The following SULF1 variants were observed in gnomAD, a reference collection of about 807,000 sequenced individuals.
SULF1 encodes sulfatase 1, also known as extracellular sulfatase Sulf-1.
Under a neutral mutation model 110.5 loss-of-function variants are expected in SULF1, and 46 were observed. That is an observed-to-expected ratio of 0.42 (90% CI 0.33 to 0.53). The LOEUF (loss-of-function observed/expected upper bound fraction) is 0.53. SULF1 is among the 20% of genes least tolerant of loss of function. The probability of loss-of-function intolerance (pLI) is 0.12; values close to 1 mark genes in which losing one functional copy is unlikely to be tolerated. For synonymous variants in SULF1, 371 were observed against 387.1 expected (o/e 0.96, Z 0.49); for missense variants, 941 against 1,094.2 (o/e 0.86, Z 1.98).
intron 6 of SULF1, among the ~76,000 whole-genome samples, chr8:69,578,837 G>A (rs1805834348): frequency 6.6e-6 from 1 of 152,088 alleles, no homozygotes; most frequent in Non-Finnish European, 1.5e-5. Context: ...ATTCTTTAAG[G>A]GAAATAAAGA....
intron 1 of SULF1, among the ~76,000 whole-genome samples, chr8:69,485,765 C>A (rs1468151040): frequency 2.0e-5 from 3 of 152,208 alleles, no homozygotes; most frequent in African/African-American, 7.2e-5. Flanking sequence ...TACAGTTTCA[C>A]ATTTGTAATC....
chr8:69,626,398 A>T (rs1586581965), intron 15 of SULF1, among the ~76,000 whole-genome samples: 1 of 152,222 alleles, frequency 6.6e-6, no homozygotes, highest in Non-Finnish European at 1.5e-5. Context: ...TCCCCACCAG[A>T]CTCAGGAGCC....
intron 3 of SULF1, among the ~76,000 whole-genome samples, chr8:69,538,421 A>G (rs2150662796): frequency 6.6e-6 from 1 of 152,154 alleles, no homozygotes. Context: ...TGAGATTTCT[A>G]GGTTAAGTGC....
chr8:69,468,394 A>G (rs1402379078), intron 1 of SULF1, among the ~76,000 whole-genome samples: 1 of 152,236 alleles, frequency 6.6e-6, no homozygotes, highest in African/African-American at 2.4e-5. Flanking sequence ...CCATGCAGAT[A>G]ATTTTTTTAA....
rs769480668 is a variant in SULF1, at chr8:69,604,811, T to G, written c.1256T>G (p.Leu419Arg). 2.4e-5 allele frequency: 38 copies of G among 1,613,828 alleles called. No individual in the cohort carries two copies. In the Admixed American group the frequency reaches 6.2e-4, roughly 26 times the overall value. ...DTFLVERGKF[L>R]RKKEESSKNI... ...TTCCCTTTTTGTCGAAGCAAATTTC[T>G]ACGTAAGAAGGAAGAATCCAGCAAG... The change falls in exon 13 of 23, where the codon CTA becomes CGA. Residue 419 changes from leucine (L) to arginine (R), a missense_variant. Around this residue, in one of 3 missense-constraint regions of SULF1, gnomAD observed 822 missense variants for 934.3 expected, o/e 0.88. Coordinates refer to ENST00000402687, the MANE Select transcript of SULF1 (RefSeq NM_001128205.2).
intron 8 of SULF1, among the ~76,000 whole-genome samples, chr8:69,593,534 G>A (rs1807060699): frequency 6.6e-6 from 1 of 152,176 alleles, no homozygotes; most frequent in East Asian, 1.9e-4. Context: ...AGACTGGGGT[G>A]AATGTATCAT....
chr8:69,528,937 A>G (rs1317117181), intron 3 of SULF1, among the ~76,000 whole-genome samples: 1 of 152,226 alleles, frequency 6.6e-6, no homozygotes, highest in Admixed American at 6.5e-5. Context: ...GAACTATAGC[A>G]GAGTTAAAAT....
In SULF1 at chr8:69,607,239, G is replaced by A. The variant is rs553276186; in HGVS notation, c.1377+2307G>A. On this transcript the variant is annotated intron_variant, in intron 13 of 22. Transcript: ENST00000402687. ...TTTGAGAAGCACTATTCTAACCCAC[G>A]ATTGTGTTTACTGGTGGCCCTCAAA... Among the ~76,000 whole-genome samples, 35 of 152,320 alleles carry A rather than the reference G, an allele frequency of 2.3e-4. No individual in the cohort carries two copies. In the South Asian group the frequency reaches 6.0e-3, roughly 26 times the overall value.
At chr8:69,527,043 C>T (rs973601166) in intron 3 of SULF1, among the ~76,000 whole-genome samples, 3 of 152,094 alleles carry the variant, frequency 2.0e-5, no homozygotes, top group Non-Finnish European at 4.4e-5. Context: ...AATAAAATGT[C>T]GGTGTGAACA....
intron 22 of SULF1, among the ~76,000 whole-genome samples, chr8:69,655,432 C>T (rs1400328139): frequency 6.6e-6 from 1 of 152,252 alleles, no homozygotes. Context: ...CTCCCTTGTA[C>T]TGATAACACC....
At chr8:69,615,748 A>G (rs1809052127) in intron 13 of SULF1, among the ~76,000 whole-genome samples, 1 of 152,176 alleles carries the variant, frequency 6.6e-6, no homozygotes, top group Admixed American at 6.5e-5. Context: ...TTTTCCCTTC[A>G]TCTCTATCCC....
At chr8:69,632,372 T>G (rs1198421804) in intron 19 of SULF1, among the ~76,000 whole-genome samples, 1 of 152,162 alleles carries the variant, frequency 6.6e-6, no homozygotes, top group Admixed American at 6.5e-5. Context: ...CATACACAAG[T>G]ATATATGTGT....
intron 8 of SULF1, among the ~76,000 whole-genome samples, chr8:69,591,282 C>T (rs983138243): frequency 7.2e-5 from 11 of 152,014 alleles, no homozygotes; most frequent in African/African-American, 2.4e-4. Context: ...TGGCCAGGCG[C>T]GGTGGCTCAC....
At chr8:69,487,197 C>G (rs1019024129) in intron 1 of SULF1, among the ~76,000 whole-genome samples, 2 of 152,170 alleles carry the variant, frequency 1.3e-5, no homozygotes, top group African/African-American at 2.4e-5. Context: ...TACTTCCGTT[C>G]TAAGTACCAA....
chr8:69,599,896 T>C (rs867525795), intron 8 of SULF1, among the ~76,000 whole-genome samples: 1 of 152,192 alleles, frequency 6.6e-6, no homozygotes, highest in South Asian at 2.1e-4. Context: ...AGATTAAATA[T>C]AGACTTGAAC....
chr8:69,591,575 C>A (rs1254241455), intron 8 of SULF1, among the ~76,000 whole-genome samples: 22 of 149,678 alleles, frequency 1.5e-4, no homozygotes, highest in Non-Finnish European at 2.8e-4. Context: ...AAAAAAAAAA[C>A]AAAGAAAAGA....
At chr8:69,540,230 C>T (rs1813768188) in intron 3 of SULF1, among the ~76,000 whole-genome samples, 1 of 152,222 alleles carries the variant, frequency 6.6e-6, no homozygotes, top group African/African-American at 2.4e-5. Context: ...GGTTGTGCCA[C>T]TGAATGAGAT....
At chr8:69,494,697 A>T (rs189087529) in intron 1 of SULF1, among the ~76,000 whole-genome samples, 133 of 152,252 alleles carry the variant, frequency 8.7e-4, no homozygotes, top group African/African-American at 2.6e-3. Flanking sequence ...CTTTGATGAG[A>T]TCTGGATTTC....
At chr8:69,532,624 A>C (rs1035743503) in intron 3 of SULF1, among the ~76,000 whole-genome samples, 1 of 152,262 alleles carries the variant, frequency 6.6e-6, no homozygotes, top group African/African-American at 2.4e-5. Context: ...AAAAGAATGT[A>C]AGAGGAAAGT....
Sources: allele counts gnomAD v4.1 joint callset (sites outside exome capture counted in the v4.1 genomes callset), GRCh38; gene constraint gnomAD v4.1.1; regional missense constraint gnomAD v4.1.1; transcripts MANE v1.5; gene names NCBI Gene and HGNC (gene_info 2026-07-23, HGNC 2026-07-21).